Variants in NAA16 observed in about 807,000 individuals in gnomAD.
NAA16 encodes NARG1-like protein.
A neutral mutation model predicts 110.3 loss-of-function variants in NAA16; 97 were observed. The ratio of observed to expected loss-of-function variants is 0.88; its 90% CI spans 0.75 to 1.04. NAA16 has a LOEUF of 1.04. Ranked by LOEUF, NAA16 falls within the 50% of genes least tolerant of loss-of-function variation. The pLI, the probability that NAA16 is intolerant of heterozygous loss-of-function variation, is 0.00. For synonymous variants in NAA16, 372 were observed against 330.6 expected (o/e 1.13, Z -1.36); for missense variants, 1,017 against 1,005.1 (o/e 1.01, Z -0.16).
chr13:41,348,983 T>C (rs4942038), intron 9 of NAA16, among the ~76,000 whole-genome samples: 144,629 of 152,180 alleles, frequency 0.95, 68,791 homozygotes, highest in East Asian at 1. Context: ...CCCCTCTTAC[T>C]GTTTTTGGTT....
chr13:41,360,591 C>T (rs2043092673), intron 12 of NAA16, among the ~76,000 whole-genome samples: 1 of 152,188 alleles, frequency 6.6e-6, no homozygotes, highest in African/African-American at 2.4e-5. Flanking sequence ...TGATCATCCA[C>T]TTTTGACAAG....
intron 5 of NAA16, among the ~76,000 whole-genome samples, chr13:41,323,778 C>A (rs1299257379): frequency 6.6e-6 from 1 of 152,134 alleles, no homozygotes; most frequent in Non-Finnish European, 1.5e-5. Flanking sequence ...AGCCACCACG[C>A]CTGCCTCCAC....
At chr13:41,373,921 T>C in intron 18 of NAA16, 141 bp downstream of exon 18, 1 of 1,309,816 alleles carries the variant, frequency 7.6e-7, no homozygotes. Context: ...TTAAGTTATG[T>C]TCAATAATAG....
At chr13:41,359,187 C>G (rs2043060154) in intron 12 of NAA16, among the ~76,000 whole-genome samples, 2 of 152,144 alleles carry the variant, frequency 1.3e-5, no homozygotes, top group South Asian at 4.1e-4. Flanking sequence ...AAAACAATAG[C>G]AAGAGCAAAA....
intron 12 of NAA16, among the ~76,000 whole-genome samples, chr13:41,361,636 A>G (rs2043113890): frequency 1.3e-5 from 2 of 152,222 alleles, no homozygotes; most frequent in Non-Finnish European, 2.9e-5. Context: ...GATAACTGAG[A>G]TGGCTCCTAA....
intron 3 of NAA16, 84 bp downstream of exon 3, chr13:41,318,994 A>G (rs998517980): frequency 1.5e-6 from 1 of 668,214 alleles, no homozygotes; most frequent in Non-Finnish European, 2.4e-6. Context: ...GAAAATTCCA[A>G]ACCTACGTAG....
chr13:41,367,110 G>A (rs1232103980), intron 13 of NAA16, among the ~76,000 whole-genome samples: 1 of 152,122 alleles, frequency 6.6e-6, no homozygotes, highest in Non-Finnish European at 1.5e-5. Context: ...TAGGGAATAT[G>A]GAGGAAGAGT....
chr13:41,374,681 G>T, intron 18 of NAA16, 61 bp from the exon 19 acceptor site: 1 of 1,108,748 alleles, frequency 9.0e-7, no homozygotes, highest in South Asian at 1.4e-5. Flanking sequence ...CTGGCCAGTT[G>T]ATATCACATA....
At chr13:41,313,447 T>G (rs752859596) in intron 1 of NAA16, among the ~76,000 whole-genome samples, 1 of 152,252 alleles carries the variant, frequency 6.6e-6, no homozygotes, top group Non-Finnish European at 1.5e-5. Context: ...AATGATTTTA[T>G]CATTTCACAA....
rs1033773495 is a variant in NAA16 at position 41,376,516 on chromosome 13, C to G, written c.*914C>G. Reference sequence around the variant, plus strand: ...ACTGGTAAAATTGTTGAATATTTCTCTCTCCCAGTCTTAAAAGCCCACAGG... The same window carrying G: ...ACTGGTAAAATTGTTGAATATTTCTGTCTCCCAGTCTTAAAAGCCCACAGG... On this transcript the variant is annotated 3_prime_UTR_variant, in exon 20 of 20. Transcript: ENST00000379406. 1 of 152,160 alleles carries G rather than the reference C, an allele frequency of 6.6e-6. No individual in the cohort carries two copies. Among genetic ancestry groups the G allele is most frequent in the African/African-American group, 2.4e-5 (1 of 41,436 alleles). 9.4% of individuals were successfully genotyped at this position (152,160 alleles called of 1,614,324 possible). A position where few individuals can be genotyped will look rare whatever the true frequency, so the allele number is the denominator to read the frequency against.
Position 41,367,448 on chromosome 13 carries a change from G to C in NAA16, c.1549G>C (p.Glu517Gln), listed in dbSNP as rs2043228316. The change falls in exon 14 of 20, where the codon GAG becomes CAG. Residue 517 changes from glutamate (E) to glutamine (Q), a missense_variant. Physicochemically the swap from Glu to Gln is conservative, Grantham distance 29 (BLOSUM62 2). Transcript: ENST00000379406. ...KCHEVERHFF[E>Q]ITDDQFDFHT... The stretch of plus-strand genomic sequence containing the variant: ...GATTTTTGTTTTTAAGCATTTTTTT[G>C]AGATAACTGATGACCAATTCGACTT... 6.4e-7 allele frequency: 1 copy of C among 1,572,242 alleles called. No individual in the cohort carries two copies. Among genetic ancestry groups the C allele is most frequent in the Admixed American group, 1.8e-5 (1 of 56,126 alleles).
intron 13 of NAA16, among the ~76,000 whole-genome samples, chr13:41,363,486 T>G (rs533730561): frequency 6.6e-6 from 1 of 152,320 alleles, no homozygotes; most frequent in South Asian, 2.1e-4. Flanking sequence ...TCTTCTAACA[T>G]TGATGACTAT....
intron 1 of NAA16, among the ~76,000 whole-genome samples, chr13:41,313,237 T>A (rs2041696288): frequency 6.6e-6 from 1 of 152,188 alleles, no homozygotes; most frequent in African/African-American, 2.4e-5. Flanking sequence ...AAAAATCAAT[T>A]ATTTTGAGAT....
In NAA16 at chr13:41,369,213, A is replaced by C. The variant is rs771940363; in HGVS notation, c.1877A>C (p.Lys626Thr). The C allele has an allele frequency of 1.9e-6, 3 of 1,598,508 alleles. No individual in the cohort carries two copies. In the East Asian group the frequency reaches 6.7e-5, roughly 36 times the overall value. Residue 626 changes from lysine (K) to threonine (T), a missense_variant, in exon 15 of 20, where the codon AAA becomes ACA. By Grantham distance (78) the Lys-to-Thr change is moderately conservative (BLOSUM62 -1). Transcript: ENST00000379406. ...GAACGTCAACAGAAAAATCAAAAGAAAAAAAGAGATGAAGAAGAAGAAGAA... is the reference window on the plus strand; with the variant it reads ...GAACGTCAACAGAAAAATCAAAAGACAAAAAGAGATGAAGAAGAAGAAGAA... ...ERERQQKNQK[K>T]KRDEEEEEAS...
At chr13:41,347,321 A>G (rs191096294) in intron 9 of NAA16, among the ~76,000 whole-genome samples, 1 of 151,252 alleles carries the variant, frequency 6.6e-6, no homozygotes, top group Non-Finnish European at 1.5e-5. Flanking sequence ...TTTCAAGACT[A>G]TTTTGGTTAT....
At chr13:41,312,985 A>AT (rs986073421) in intron 1 of NAA16, among the ~76,000 whole-genome samples, 23 of 150,840 alleles carry the variant, frequency 1.5e-4, no homozygotes, top group Middle Eastern at 3.4e-3. Context: ...TTTATTTTTA[A>AT]TTTTTTTTTG....
intron 15 of NAA16, among the ~76,000 whole-genome samples, chr13:41,369,682 G>A (rs553370046): frequency 6.6e-6 from 1 of 152,324 alleles, no homozygotes; most frequent in East Asian, 1.9e-4. Flanking sequence ...GAGGATGCCA[G>A]CAGCAGAGGT....
At chr13:41,323,600 C>T (rs1183114478) in intron 5 of NAA16, among the ~76,000 whole-genome samples, 2 of 151,948 alleles carry the variant, frequency 1.3e-5, no homozygotes, top group Non-Finnish European at 2.9e-5. Context: ...GATCCGCCCA[C>T]CTCGGCCTCC....
At chr13:41,343,300 C>T (rs947728842) in intron 9 of NAA16, among the ~76,000 whole-genome samples, 2 of 152,026 alleles carry the variant, frequency 1.3e-5, no homozygotes, top group African/African-American at 2.4e-5. Flanking sequence ...GTATTGTTCA[C>T]GCTGATCTCA....
Sources: allele counts gnomAD v4.1 joint callset (sites outside exome capture counted in the v4.1 genomes callset), GRCh38; gene constraint gnomAD v4.1.1; transcripts MANE v1.5; gene names NCBI Gene and HGNC (gene_info 2026-07-23, HGNC 2026-07-21).